Variants in PIK3R1 observed in about 807,000 individuals in gnomAD.
The protein encoded by PIK3R1 is phosphatidylinositol 3-kinase regulatory subunit alpha.
In PIK3R1, 29 loss-of-function variants were observed where a neutral mutation model predicts 98.0. The observed-to-expected ratio is 0.30, with a 90% CI of 0.22 to 0.40. PIK3R1 has a LOEUF of 0.40. Among genes scored for constraint, PIK3R1 ranks in the 10% least tolerant of loss-of-function variants. The pLI, the probability that PIK3R1 is intolerant of heterozygous loss-of-function variation, is 1.00. For missense variants in PIK3R1, 596 were observed against 872.7 expected, an observed-to-expected ratio of 0.68 and a Z score of 3.99; for synonymous variants, 282 against 311.8, an observed-to-expected ratio of 0.90 and a Z score of 1.01.
chr5:68,255,492 C>T (rs1369346367), intron 2 of PIK3R1, among the ~76,000 whole-genome samples: 1 of 152,142 alleles, frequency 6.6e-6, no homozygotes, highest in East Asian at 1.9e-4. Flanking sequence ...ATAGACTATG[C>T]ATTAATTTGA....
chr5:68,289,143 C>T (rs1747242102), intron 7 of PIK3R1, among the ~76,000 whole-genome samples: 1 of 152,144 alleles, frequency 6.6e-6, no homozygotes, highest in African/African-American at 2.4e-5. Context: ...GTTACACCCG[C>T]CACAGCTGCT....
chr5:68,269,126 G>A (rs150880395), intron 2 of PIK3R1, among the ~76,000 whole-genome samples: 3 of 152,132 alleles, frequency 2.0e-5, no homozygotes, highest in East Asian at 1.9e-4. Flanking sequence ...GAAATAATGC[G>A]TGTCTTGGAT....
In PIK3R1 at chr5:68,234,492, C is replaced by T. The variant is rs1164536875; in HGVS notation, c.334+7483C>T. Among the ~76,000 whole-genome samples the T allele has an allele frequency of 2.6e-5, 4 of 152,248 alleles. No homozygotes were observed. The East Asian group carries it at 5.8e-4, about 22-fold the overall frequency. On this transcript the variant is annotated intron_variant, in intron 2 of 15. Transcript: ENST00000521381. ...ATGGGATTATTGCTTATGAAAGTGCCCACCTGGTATCAAGTTTTTGCAGAT... is the reference window on the plus strand; with the variant it reads ...ATGGGATTATTGCTTATGAAAGTGCTCACCTGGTATCAAGTTTTTGCAGAT...
chr5:68,291,402 T>C (rs1397493582), intron 7 of PIK3R1: 1 of 152,168 alleles, frequency 6.6e-6, no homozygotes, highest in Non-Finnish European at 1.5e-5. Flanking sequence ...ATTTTTTGTA[T>C]AAGTTAAAAT....
At chr5:68,275,911 T>A (rs1347485497) in intron 4 of PIK3R1, among the ~76,000 whole-genome samples, 1 of 152,230 alleles carries the variant, frequency 6.6e-6, no homozygotes, top group African/African-American at 2.4e-5. Context: ...AATAGCCCAC[T>A]TTTATTAGCA....
intron 2 of PIK3R1, among the ~76,000 whole-genome samples, chr5:68,232,219 C>A (rs1744503581): frequency 6.6e-6 from 1 of 152,206 alleles, no homozygotes; most frequent in Non-Finnish European, 1.5e-5. Flanking sequence ...ACAGTTCACC[C>A]TCTCATGAGC....
At chr5:68,235,461 A>C (rs1744632184) in intron 2 of PIK3R1, among the ~76,000 whole-genome samples, 2 of 152,156 alleles carry the variant, frequency 1.3e-5, no homozygotes, top group African/African-American at 4.8e-5. Context: ...TCAATGCTTA[A>C]GAATTTTTTA....
chr5:68,292,447 T>C (rs1392427441), intron 8 of PIK3R1, 86 bp downstream of exon 8: 1 of 1,436,496 alleles, frequency 7.0e-7, no homozygotes, highest in African/African-American at 1.4e-5. Flanking sequence ...TTTTAGGATA[T>C]CATCCAACAT....
At chr5:68,231,398 A>C (rs1744469408) in intron 2 of PIK3R1, among the ~76,000 whole-genome samples, 1 of 152,250 alleles carries the variant, frequency 6.6e-6, no homozygotes, top group Non-Finnish European at 1.5e-5. Flanking sequence ...TGCATTTGAC[A>C]TGGCTTACGC....
chr5:68,262,403 T>TATACAC lies in PIK3R1; in HGVS notation c.335-10986_335-10985insTACACA, dbSNP rs33968242. ...TATAATTTTTATATATATATATATA[T>TATACAC]ACACACACGCACACACACACATACA... is the stretch of plus-strand genomic sequence containing the variant. On this transcript the variant is annotated intron_variant, in intron 2 of 15. Transcript: ENST00000521381. Among the ~76,000 whole-genome samples the TATACAC allele has an allele frequency of 9.5e-3, 1,334 of 140,588 alleles. 34 individuals are homozygous for TATACAC. Among genetic ancestry groups the TATACAC allele is most frequent in the African/African-American group, 0.032 (1,221 of 38,094 alleles). 92.2% of individuals were successfully genotyped at this position (140,588 alleles called of 152,430 possible).
chr5:68,273,886 C>G (rs1746466046), intron 3 of PIK3R1, 53 bp from the exon 4 acceptor site: 2 of 1,364,522 alleles, frequency 1.5e-6, no homozygotes, highest in Admixed American at 3.4e-5. Context: ...CTCACAGGTT[C>G]TCCAGAGAGC....
At chr5:68,244,016 G>A (rs1436594501) in intron 2 of PIK3R1, among the ~76,000 whole-genome samples, 2 of 152,196 alleles carry the variant, frequency 1.3e-5, no homozygotes, top group African/African-American at 4.8e-5. Context: ...GGAGTGTTCT[G>A]TGGCTACATT....
intron 11 of PIK3R1, among the ~76,000 whole-genome samples, chr5:68,294,306 C>T (rs1747565796): frequency 1.3e-5 from 2 of 152,210 alleles, no homozygotes; most frequent in Admixed American, 1.3e-4. Flanking sequence ...CTATAAACTA[C>T]AATAGCTTTT....
Position 68,226,723 on chromosome 5 carries a change from G to C in PIK3R1, c.48G>C (p.Lys16Asn), listed in dbSNP as rs1024194191. 6.2e-7 allele frequency: 1 copy of C among 1,614,096 alleles called. No individual in the cohort carries two copies. The highest frequency in any genetic ancestry group is 8.5e-7 in the Non-Finnish European group (1 of 1,180,000). Residue 16 changes from lysine (K) to asparagine (N), a missense_variant, in exon 2 of 16, where the codon AAG (lysine) becomes AAC (asparagine). Transcript: ENST00000521381. ...YQYRALYDYK[K>N]EREEDIDLHL... ...ACAGAGCGCTGTATGATTATAAAAA[G>C]GAAAGAGAAGAAGATATTGACTTGC... is the stretch of plus-strand genomic sequence containing the variant.
intron 4 of PIK3R1, among the ~76,000 whole-genome samples, chr5:68,276,208 A>G (rs569944544): frequency 1.3e-5 from 2 of 152,180 alleles, no homozygotes; most frequent in Non-Finnish European, 2.9e-5. Flanking sequence ...CCTTGGTACT[A>G]TTGACATTTT....
chr5:68,228,968 T>A (rs1468248145), intron 2 of PIK3R1, among the ~76,000 whole-genome samples: 1 of 152,214 alleles, frequency 6.6e-6, no homozygotes, highest in Non-Finnish European at 1.5e-5. Flanking sequence ...ATTGAGATTT[T>A]TAGCAGCTTT....
At chr5:68,242,167 C>T (rs1744894201) in intron 2 of PIK3R1, among the ~76,000 whole-genome samples, 1 of 152,232 alleles carries the variant, frequency 6.6e-6, no homozygotes, top group Non-Finnish European at 1.5e-5. Flanking sequence ...TGGAGTTGTA[C>T]TCCTTATAGC....
intron 2 of PIK3R1, among the ~76,000 whole-genome samples, chr5:68,267,437 T>A (rs1273511144): frequency 6.6e-6 from 1 of 152,202 alleles, no homozygotes; most frequent in Admixed American, 6.5e-5. Flanking sequence ...GCAGGAGAGA[T>A]AAATGAGAGA....
Position 68,300,057 on chromosome 5 carries a change from T to TA in PIK3R1, c.*2460dup, listed in dbSNP as rs1747955035. The TA allele has an allele frequency of 8.6e-6, 2 of 233,126 alleles. No homozygotes were observed. Among genetic ancestry groups the TA allele is most frequent in the African/African-American group, 4.4e-5 (2 of 45,368 alleles). 14.4% of individuals were successfully genotyped at this position (233,126 alleles called of 1,614,324 possible). A position where few individuals can be genotyped will look rare whatever the true frequency, so the allele number is the denominator to read the frequency against. ...GCTATTACATACAAATTTTTATTTC[T>TA]AAAATATAAGATCTGAGATTGAATA... On this transcript the variant is annotated 3_prime_UTR_variant, in exon 16 of 16. Transcript: ENST00000521381.
Sources: gnomAD v4.1 joint callset for allele counts (sites outside exome capture counted in the v4.1 genomes callset) on GRCh38, gnomAD v4.1.1 for gene constraint, MANE v1.5 for transcripts, NCBI Gene and HGNC (gene_info 2026-07-23, HGNC 2026-07-21) for gene names.